The following PREX1 variants were observed in gnomAD, a reference collection of about 807,000 sequenced individuals.
PREX1 encodes the protein phosphatidylinositol 3,4,5-trisphosphate-dependent Rac exchanger 1 protein.
Under a neutral mutation model 198.3 loss-of-function variants are expected in PREX1, and 41 were observed. The observed-to-expected ratio is 0.21, with a 90% CI of 0.16 to 0.27. The LOEUF (loss-of-function observed/expected upper bound fraction) is 0.27, where lower values mean the gene tolerates loss of function less well. Ranked by LOEUF, PREX1 falls within the 10% of genes least tolerant of loss-of-function variation. PREX1 has a pLI of 1.00. For synonymous variants in PREX1, 843 were observed against 887.2 expected, an observed-to-expected ratio of 0.95 and a Z score of 0.89; for missense variants, 1,620 against 2,200.7, an observed-to-expected ratio of 0.74 and a Z score of 5.28.
At chr20:48,783,945 G>A (rs901655379) in intron 1 of PREX1, among the ~76,000 whole-genome samples, 22 of 152,138 alleles carry the variant, frequency 1.4e-4, no homozygotes, top group Non-Finnish European at 2.9e-4. Context: ...ATATACCACA[G>A]TCACAACACA....
intron 1 of PREX1, among the ~76,000 whole-genome samples, chr20:48,811,436 C>T (rs1348414872): frequency 6.6e-6 from 1 of 152,140 alleles, no homozygotes; most frequent in East Asian, 1.9e-4. Flanking sequence ...AGGAGGGGCC[C>T]TGCTTTCATC....
At chr20:48,784,580 C>T (rs2090303548) in intron 1 of PREX1, among the ~76,000 whole-genome samples, 1 of 152,180 alleles carries the variant, frequency 6.6e-6, no homozygotes, top group Admixed American at 6.5e-5. Flanking sequence ...GACAGTGAGG[C>T]CGTCCTGATC....
intron 1 of PREX1, among the ~76,000 whole-genome samples, chr20:48,792,188 A>T (rs1431534089): frequency 2.6e-5 from 4 of 152,196 alleles, no homozygotes; most frequent in Non-Finnish European, 5.9e-5. Flanking sequence ...TAAAAATAAG[A>T]GCTAAGGCCA....
chr20:48,860,059 A>G, the PREX1 span, among the ~76,000 whole-genome samples: 1 of 152,200 alleles, frequency 6.6e-6, no homozygotes, highest in Non-Finnish European at 1.5e-5. Context: ...AAGGTCTTGA[A>G]CAGATATTTG....
At chr20:48,635,376 C>T (rs748446545) in intron 32 of PREX1, among the ~76,000 whole-genome samples, 1 of 152,182 alleles carries the variant, frequency 6.6e-6, no homozygotes, top group East Asian at 1.9e-4. Flanking sequence ...ACAATACATC[C>T]TACAAGTCAT....
At chr20:48,709,182 T>G (rs2089918718) in intron 5 of PREX1, among the ~76,000 whole-genome samples, 1 of 152,092 alleles carries the variant, frequency 6.6e-6, no homozygotes, top group Non-Finnish European at 1.5e-5. Context: ...CAAGGAAGAT[T>G]TTTCAGGCCA....
chr20:48,819,421 C>T (rs1424606382), intron 1 of PREX1, among the ~76,000 whole-genome samples: 3 of 152,208 alleles, frequency 2.0e-5, no homozygotes, highest in Non-Finnish European at 4.4e-5. Context: ...AGGACTTGGT[C>T]AAATGTCATC....
chr20:48,839,843 G>A, the PREX1 span, among the ~76,000 whole-genome samples: 14 of 152,174 alleles, frequency 9.2e-5, no homozygotes, highest in Admixed American at 5.2e-4. Context: ...CTTGGAAGCC[G>A]CGGTTGAAGG....
the PREX1 span, among the ~76,000 whole-genome samples, chr20:48,851,814 T>C: frequency 6.6e-6 from 1 of 152,306 alleles, no homozygotes; most frequent in South Asian, 2.1e-4. Flanking sequence ...TATTTAAATA[T>C]TGAAGTTCAC....
intron 1 of PREX1, among the ~76,000 whole-genome samples, chr20:48,753,025 G>A (rs2090140768): frequency 6.6e-6 from 1 of 152,140 alleles, no homozygotes; most frequent in Non-Finnish European, 1.5e-5. Flanking sequence ...CTCGAGCCCA[G>A]GCGTTCAAGT....
chr20:48,727,991 T>C (rs565889676), intron 4 of PREX1, among the ~76,000 whole-genome samples: 2 of 152,324 alleles, frequency 1.3e-5, no homozygotes, highest in South Asian at 4.1e-4. Context: ...TATGTGCCCA[T>C]TATGTGTAAG....
chr20:48,795,172 T>G (rs960411628), intron 1 of PREX1, among the ~76,000 whole-genome samples: 2 of 152,224 alleles, frequency 1.3e-5, no homozygotes, highest in South Asian at 4.2e-4. Flanking sequence ...CATCACCCAC[T>G]AAACACTCAG....
chr20:48,796,691 T>C (rs1253268138), intron 1 of PREX1, among the ~76,000 whole-genome samples: 4 of 150,866 alleles, frequency 2.7e-5, no homozygotes, highest in African/African-American at 9.7e-5. Context: ...ATATATGGTA[T>C]ATATAACATA....
At chr20:48,786,363 C>T (rs979897820) in intron 1 of PREX1, among the ~76,000 whole-genome samples, 15 of 152,082 alleles carry the variant, frequency 9.9e-5, no homozygotes, top group African/African-American at 3.6e-4. Flanking sequence ...AGAACCTGGG[C>T]CCAAGACATG....
Position 48,646,073 on chromosome 20 carries a change from C to A in PREX1, c.3306-16G>T. 1 of 1,611,018 alleles carries A rather than the reference C, an allele frequency of 6.2e-7. No individual in the cohort carries two copies. Among genetic ancestry groups the A allele is most frequent in the South Asian group, 1.1e-5 (1 of 91,076 alleles). On this transcript the variant is annotated splice_polypyrimidine_tract_variant and intron_variant, in intron 25 of 39. Transcript: ENST00000371941. ...GGACAGCAGCCTACGGAAGCAAAGA[C>A]CTTGAAGTCAAAGATACAGGCCTGG...
chr20:48,645,179 G>C (rs1568798934), intron 26 of PREX1, among the ~76,000 whole-genome samples: 1 of 152,222 alleles, frequency 6.6e-6, no homozygotes, highest in African/African-American at 2.4e-5. Flanking sequence ...GGACTGGGGG[G>C]AAGGTCTGCC....
At position 48,691,649 on chromosome 20, in the gene PREX1, C is replaced by A. The variant is rs772835744; in HGVS notation, c.1037-553G>T. On this transcript the variant is annotated intron_variant, in intron 8 of 39. Transcript: ENST00000371941. This position sits in a 1 kb window ranked among gnomAD's most constrained non-coding sequence, Gnocchi z 5.0. The stretch of plus-strand genomic sequence containing the variant: ...AGCAAGAACCCCTGCTCTGGACAAG[C>A]TCAAAAGCACACATACTAGGAGATG... Among the ~76,000 whole-genome samples, 1 of 152,216 alleles carries A rather than the reference C, an allele frequency of 6.6e-6. No homozygotes were observed. The highest frequency in any genetic ancestry group is 1.5e-5 in the Non-Finnish European group (1 of 68,044).
the PREX1 span, among the ~76,000 whole-genome samples, chr20:48,834,486 CA>C: frequency 1.3e-5 from 2 of 152,054 alleles, no homozygotes; most frequent in East Asian, 3.9e-4. Context: ...GGCAGAAACA[CA>C]AACAGCCACA....
chr20:48,632,786 G>A, intron 33 of PREX1, 147 bp from the exon 34 acceptor site: 1 of 837,732 alleles, frequency 1.2e-6, no homozygotes, highest in Non-Finnish European at 1.8e-6. Flanking sequence ...GACTCTACAG[G>A]GGTAGCCTCA....
Sources: allele counts gnomAD v4.1 joint callset (sites outside exome capture counted in the v4.1 genomes callset), GRCh38; gene constraint gnomAD v4.1.1; non-coding constraint Gnocchi (gnomAD v3.1); transcripts MANE v1.5; gene names NCBI Gene and HGNC (gene_info 2026-07-23, HGNC 2026-07-21).